The following APBA1 variants were observed in gnomAD, a reference collection of about 807,000 sequenced individuals.
The protein encoded by APBA1 is amyloid beta precursor protein binding family A member 1, also known as amyloid-beta A4 precursor protein-binding family A member 1.
A neutral mutation model predicts 86.6 loss-of-function variants in APBA1; 55 were observed. That is an observed-to-expected ratio of 0.64 (90% CI 0.51 to 0.80). The LOEUF (loss-of-function observed/expected upper bound fraction) is 0.80. Ranked by LOEUF, APBA1 falls within the 30% of genes least tolerant of loss-of-function variation. The pLI is 0.00. For synonymous variants in APBA1, 511 were observed against 493.9 expected, an observed-to-expected ratio of 1.03 and a Z score of -0.46; for missense variants, 1,090 against 1,183.0, an observed-to-expected ratio of 0.92 and a Z score of 1.15.
At chr9:69,619,929 A>C (rs1363036583) in intron 1 of APBA1, among the ~76,000 whole-genome samples, 6 of 152,348 alleles carry the variant, frequency 3.9e-5, no homozygotes, top group African/African-American at 1.4e-4. Context: ...TTCTGATAAA[A>C]ATAAAAATTT....
chr9:69,620,671 C>A (rs944361499), intron 1 of APBA1, among the ~76,000 whole-genome samples: 1 of 151,802 alleles, frequency 6.6e-6, no homozygotes, highest in Non-Finnish European at 1.5e-5. Flanking sequence ...AGCGAGACTC[C>A]ATCTCAAAAA....
intron 1 of APBA1, among the ~76,000 whole-genome samples, chr9:69,642,874 TC>T (rs1823316795): frequency 6.6e-6 from 1 of 151,952 alleles, no homozygotes; most frequent in African/African-American, 2.4e-5. Context: ...CTGCAACTCT[TC>T]CCTGGGTCTC....
At chr9:69,520,720 G>A (rs1836238643) in intron 1 of APBA1, among the ~76,000 whole-genome samples, 1 of 152,018 alleles carries the variant, frequency 6.6e-6, no homozygotes, top group South Asian at 2.1e-4. Flanking sequence ...TTTCCCATAT[G>A]GGCAAATGGT....
rs188677300 is a variant in APBA1 at position 69,612,986 on chromosome 9, C to G, written c.-70+59167G>C. 2.0e-5 allele frequency among the ~76,000 whole-genome samples: 3 copies of G among 151,880 alleles called. 1 individual carries two copies. Among genetic ancestry groups the G allele is most frequent in the Non-Finnish European group, 4.4e-5 (3 of 67,920 alleles). On this transcript the variant is annotated intron_variant, in intron 1 of 12. Coordinates refer to ENST00000265381, the MANE Select transcript of APBA1 (RefSeq NM_001163.4). ...AGATTTTTGTCCTAACGTAAAATGA[C>G]TGGTTATTTAAGAAAGAAAATGTAT...
chr9:69,606,633 A>T (rs1158549583), intron 1 of APBA1, among the ~76,000 whole-genome samples: 1 of 151,622 alleles, frequency 6.6e-6, no homozygotes, highest in Non-Finnish European at 1.5e-5. Context: ...CTGGGACTAC[A>T]GGCGCCCACC....
intron 5 of APBA1, chr9:69,463,034 T>C (rs535264638): frequency 1.3e-4 from 20 of 152,142 alleles, no homozygotes; most frequent in African/African-American, 4.8e-4. Flanking sequence ...TTCTCAAAAA[T>C]GATGACCAAC....
At chr9:69,481,779 A>G (rs1441719105) in intron 2 of APBA1, among the ~76,000 whole-genome samples, 1 of 151,486 alleles carries the variant, frequency 6.6e-6, no homozygotes, top group African/African-American at 2.4e-5. Flanking sequence ...AGAGATATAG[A>G]TCAATGGAAC....
At chr9:69,521,436 T>G (rs1332837972) in intron 1 of APBA1, among the ~76,000 whole-genome samples, 1 of 152,164 alleles carries the variant, frequency 6.6e-6, no homozygotes. Context: ...GAATGTTAAT[T>G]AGGTGCCAGC....
At chr9:69,621,652 C>T (rs552426397) in intron 1 of APBA1, among the ~76,000 whole-genome samples, 2 of 151,892 alleles carry the variant, frequency 1.3e-5, no homozygotes, top group African/African-American at 4.8e-5. Flanking sequence ...ATATTCACAA[C>T]AGCAGTTGTG....
intron 1 of APBA1, among the ~76,000 whole-genome samples, chr9:69,650,325 A>G (rs1273906761): frequency 2.0e-5 from 3 of 152,258 alleles, no homozygotes; most frequent in Non-Finnish European, 4.4e-5. Context: ...AGTAAGCAAT[A>G]CACAAACATT....
chr9:69,432,245 G>A (rs908191211), intron 12 of APBA1, among the ~76,000 whole-genome samples: 5 of 152,124 alleles, frequency 3.3e-5, no homozygotes, highest in South Asian at 2.1e-4. Context: ...CAACTTAGGC[G>A]GCCATACAGA....
At chr9:69,671,238 T>G (rs1823942382) in intron 1 of APBA1, among the ~76,000 whole-genome samples, 1 of 151,998 alleles carries the variant, frequency 6.6e-6, no homozygotes, top group African/African-American at 2.4e-5. Flanking sequence ...AGAAAAACAA[T>G]AGAAACTGCA....
At chr9:69,645,144 G>A (rs930431444) in intron 1 of APBA1, among the ~76,000 whole-genome samples, 1 of 152,138 alleles carries the variant, frequency 6.6e-6, no homozygotes, top group Admixed American at 6.5e-5. Context: ...GATGTTGGAA[G>A]GGAAAGGAGA....
At chr9:69,487,828 T>C (rs192164781) in intron 2 of APBA1, among the ~76,000 whole-genome samples, 186 of 152,116 alleles carry the variant, frequency 1.2e-3, no homozygotes, top group African/African-American at 4.3e-3. Flanking sequence ...GACACAACAT[T>C]AGTGCCTACC....
rs200778199 is a variant in APBA1, at chr9:69,458,206, A to G, written c.1483-18T>C. 10 of 1,606,416 alleles carry G rather than the reference A, an allele frequency of 6.2e-6. 1 individual carries two copies. The Middle Eastern group carries it at 8.3e-4, about 133-fold the overall frequency. ...TGGGCCATCTGCTTAGCATGGAACA[A>G]ACAGAGACAGGAGAATAGTTAGAAA... On this transcript the variant is annotated intron_variant, in intron 5 of 12. Transcript: ENST00000265381.
Position 69,431,141 on chromosome 9 carries a change from G to GGAAA in APBA1, c.*185_*186insTTTC. ...GTGCATACGAAACTTCCCTGGTATT[G>GGAAA]AAAAAAAAAAAAAAAAAAAAGCAAA... On this transcript the variant is annotated 3_prime_UTR_variant, in exon 13 of 13. Transcript: ENST00000265381. 3.5e-6 allele frequency: 1 copy of GGAAA among 284,204 alleles called. No individual in the cohort carries two copies. 17.6% of individuals were successfully genotyped at this position (284,204 alleles called of 1,614,324 possible). A position where few individuals can be genotyped will look rare whatever the true frequency, so the allele number is the denominator to read the frequency against.
At chr9:69,594,466 G>T (rs1822191833) in intron 1 of APBA1, among the ~76,000 whole-genome samples, 1 of 152,124 alleles carries the variant, frequency 6.6e-6, no homozygotes, top group Non-Finnish European at 1.5e-5. Context: ...TATTTCCCAT[G>T]AAACAGGTGA....
Position 69,516,343 on chromosome 9 carries a change from C to G in APBA1, c.868G>C (p.Ala290Pro). The G allele has an allele frequency of 3.1e-6, 5 of 1,597,252 alleles. No homozygotes were observed. Among genetic ancestry groups the G allele is most frequent in the Non-Finnish European group, 3.4e-6 (4 of 1,177,348 alleles). Reference protein sequence around the residue: ...SMSSQSLDKAAEDMPEAEQDL... With the variant: ...SMSSQSLDKAPEDMPEAEQDL... ...TGCTCGGCCTCAGGCATGTCCTCGG[C>G]TGCCTTGTCGAGGCTCTGCGAGCTC... Residue 290 changes from alanine to proline, a missense_variant, in exon 2 of 13, where the codon GCC (alanine) becomes CCC (proline). Coordinates refer to ENST00000265381, the MANE Select transcript of APBA1 (RefSeq NM_001163.4). The surrounding 1 kb of genome is among the most constrained non-coding windows in gnomAD (Gnocchi z 7.3).
intron 1 of APBA1, among the ~76,000 whole-genome samples, chr9:69,653,481 C>T (rs576538109): frequency 1.1e-4 from 17 of 152,298 alleles, no homozygotes; most frequent in South Asian, 6.2e-4. Context: ...ATTTACAGAA[C>T]GTTCCATCCA....
Sources: allele counts gnomAD v4.1 joint callset (sites outside exome capture counted in the v4.1 genomes callset), GRCh38; gene constraint gnomAD v4.1.1; non-coding constraint Gnocchi (gnomAD v3.1); transcripts MANE v1.5; gene names NCBI Gene and HGNC (gene_info 2026-07-23, HGNC 2026-07-21).